WWOX: variants seen among roughly 807,000 people sequenced by gnomAD.
WWOX encodes WW domain containing oxidoreductase, also known as WW domain-containing oxidoreductase.
In WWOX, 69 loss-of-function variants were observed where a neutral mutation model predicts 46.2. The observed-to-expected ratio is 1.49, with a 90% CI of 1.23 to 1.82. WWOX has a LOEUF of 1.82. Ranked by LOEUF, WWOX falls within the 40% of genes most tolerant of loss-of-function variation. WWOX has a pLI of 0.00. For missense variants in WWOX, 919 were observed against 542.6 expected, an observed-to-expected ratio of 1.69 and a Z score of -6.89; for synonymous variants, 359 against 202.6, an observed-to-expected ratio of 1.77 and a Z score of -6.56.
chr16:78,986,119 G>T (rs1193293616), intron 8 of WWOX, among the ~76,000 whole-genome samples: 1 of 152,216 alleles, frequency 6.6e-6, no homozygotes, highest in Non-Finnish European at 1.5e-5. Context: ...AGACATTTAT[G>T]GAGTCAGGAG....
intron 8 of WWOX, among the ~76,000 whole-genome samples, chr16:78,851,929 T>G (rs931154357): frequency 4.6e-5 from 7 of 152,238 alleles, no homozygotes; most frequent in Admixed American, 4.6e-4. Context: ...TTCAGCATCA[T>G]TGCTAAAGCC....
chr16:78,875,674 C>A (rs1008116450), intron 8 of WWOX, among the ~76,000 whole-genome samples: 1 of 152,094 alleles, frequency 6.6e-6, no homozygotes, highest in Non-Finnish European at 1.5e-5. Context: ...TGGAGGCAAA[C>A]CCATAAACAA....
intron 5 of WWOX, among the ~76,000 whole-genome samples, chr16:78,286,799 T>C (rs2079775189): frequency 7.1e-6 from 1 of 140,834 alleles, no homozygotes; most frequent in African/African-American, 2.7e-5. Context: ...ATGAGTATCA[T>C]AGAAAAGTTA....
At chr16:78,804,599 C>G (rs72801039) in intron 8 of WWOX, among the ~76,000 whole-genome samples, 4 of 152,170 alleles carry the variant, frequency 2.6e-5, no homozygotes, top group African/African-American at 9.7e-5. Flanking sequence ...AGGTCTTACA[C>G]GTAGCTCAAA....
chr16:79,198,586 A>T (rs761978831), intron 8 of WWOX, among the ~76,000 whole-genome samples: 7 of 152,110 alleles, frequency 4.6e-5, no homozygotes, highest in Non-Finnish European at 7.4e-5. Flanking sequence ...ATAATTGACA[A>T]ATGCATTGTG....
chr16:78,354,471 G>C (rs1336111100), intron 5 of WWOX, among the ~76,000 whole-genome samples: 1 of 151,948 alleles, frequency 6.6e-6, no homozygotes, highest in African/African-American at 2.4e-5. Flanking sequence ...TTTTGATGCT[G>C]GTTTTTGATG....
intron 5 of WWOX, among the ~76,000 whole-genome samples, chr16:78,340,062 T>A (rs55805706): frequency 0.12 from 10,942 of 90,618 alleles, 2,482 homozygotes; most frequent in Non-Finnish European, 0.16. Flanking sequence ...TTGATAACAT[T>A]CTATTCTTGT....
At chr16:78,282,963 C>G (rs929326211) in intron 5 of WWOX, among the ~76,000 whole-genome samples, 2 of 151,264 alleles carry the variant, frequency 1.3e-5, no homozygotes, top group African/African-American at 4.9e-5. Flanking sequence ...CTTGATCCCA[C>G]GGGAAGCTCT....
chr16:78,468,740 C>G (rs1036340379), intron 8 of WWOX, among the ~76,000 whole-genome samples: 15 of 152,134 alleles, frequency 9.9e-5, no homozygotes, highest in African/African-American at 3.6e-4. Flanking sequence ...GTACTTACCT[C>G]AAAGAATTGT....
Position 78,131,844 on chromosome 16 carries a change from A to T in WWOX, c.409+16690A>T, listed in dbSNP as rs1597244893. ...CGTGATCCTCCTACGTCGGCCTCCC[A>T]AAGTGCTGGGATTACAGGCGTGAGC... is the stretch of plus-strand genomic sequence containing the variant. On this transcript the variant is annotated intron_variant, in intron 4 of 8. Transcript: ENST00000566780. 2.6e-5 allele frequency among the ~76,000 whole-genome samples: 4 copies of T among 151,426 alleles called. 1 individual carries two copies. The highest frequency in any genetic ancestry group is 2.6e-4 in the Admixed American group (4 of 15,204).
At chr16:78,908,670 G>A (rs2045030535) in intron 8 of WWOX, among the ~76,000 whole-genome samples, 1 of 152,116 alleles carries the variant, frequency 6.6e-6, no homozygotes, top group Non-Finnish European at 1.5e-5. Flanking sequence ...TGAGAAGAGG[G>A]TCAGGGAATG....
At chr16:79,073,691 G>A (rs2048595062) in intron 8 of WWOX, among the ~76,000 whole-genome samples, 2 of 152,072 alleles carry the variant, frequency 1.3e-5, no homozygotes, top group African/African-American at 4.8e-5. Flanking sequence ...GCTTGCCTTT[G>A]CAGCTAGAGT....
chr16:78,878,382 T>C (rs1020043044), intron 8 of WWOX, among the ~76,000 whole-genome samples: 24 of 152,164 alleles, frequency 1.6e-4, no homozygotes, highest in African/African-American at 5.8e-4. Context: ...AAAGTAATTA[T>C]CATAACTTTG....
At chr16:79,142,138 G>A (rs965416146) in intron 8 of WWOX, among the ~76,000 whole-genome samples, 1 of 152,090 alleles carries the variant, frequency 6.6e-6, no homozygotes, top group Non-Finnish European at 1.5e-5. Context: ...CAGATATTTA[G>A]TGAGTCCTTG....
intron 8 of WWOX, among the ~76,000 whole-genome samples, chr16:79,104,131 C>G (rs1252420847): frequency 6.7e-6 from 1 of 150,264 alleles, no homozygotes; most frequent in East Asian, 2.0e-4. Flanking sequence ...GGCTCTAAAG[C>G]TGGAATCAAA....
At chr16:78,779,294 G>T (rs2050267969) in intron 8 of WWOX, among the ~76,000 whole-genome samples, 1 of 152,064 alleles carries the variant, frequency 6.6e-6, no homozygotes. Context: ...ACAGGTGCAT[G>T]CCACCACACC....
At chr16:79,019,718 G>A (rs2047493413) in intron 8 of WWOX, among the ~76,000 whole-genome samples, 1 of 151,986 alleles carries the variant, frequency 6.6e-6, no homozygotes, top group South Asian at 2.1e-4. Flanking sequence ...ACACTGAGGG[G>A]CAGACCTCTG....
chr16:78,321,420 G>A (rs558284576), intron 5 of WWOX, among the ~76,000 whole-genome samples: 2,335 of 126,778 alleles, frequency 0.018, 94 homozygotes, highest in Non-Finnish European at 0.028. Flanking sequence ...ATATATGTGT[G>A]TATATATATA....
intron 8 of WWOX, among the ~76,000 whole-genome samples, chr16:79,129,214 G>C (rs1256910494): frequency 6.6e-6 from 1 of 151,694 alleles, no homozygotes; most frequent in Non-Finnish European, 1.5e-5. Flanking sequence ...GGTGGGGAGA[G>C]ACCATCAGGG....
Sources: allele counts gnomAD v4.1 joint callset (sites outside exome capture counted in the v4.1 genomes callset), GRCh38; gene constraint gnomAD v4.1.1; transcripts MANE v1.5; gene names NCBI Gene and HGNC (gene_info 2026-07-23, HGNC 2026-07-21).